The following CSRP3 variants were observed in gnomAD, a reference collection of about 807,000 sequenced individuals.
The protein encoded by CSRP3 is cysteine and glycine-rich protein 3.
In CSRP3, 24 loss-of-function variants were observed where a neutral mutation model predicts 24.3. The observed-to-expected ratio is 0.99, with a 90% CI of 0.71 to 1.39. The LOEUF (loss-of-function observed/expected upper bound fraction) is 1.39, where lower values mean the gene tolerates loss of function less well. CSRP3 is among the 40% of genes most tolerant of loss of function. CSRP3 has a pLI of 0.00. For missense variants in CSRP3, 240 were observed against 249.0 expected, an observed-to-expected ratio of 0.96 and a Z score of 0.24; for synonymous variants, 105 against 94.0, an observed-to-expected ratio of 1.12 and a Z score of -0.68.
intron 5 of CSRP3, 34 bp from the exon 6 acceptor site, chr11:19,182,780 T>A (rs1311301351): frequency 6.7e-7 from 1 of 1,498,098 alleles, no homozygotes; most frequent in Non-Finnish European, 9.3e-7. Flanking sequence ...GGAGAGACAA[T>A]GCATTGGTTA....
chr11:19,187,807 A>T (rs1850551316), intron 3 of CSRP3, among the ~76,000 whole-genome samples: 1 of 152,232 alleles, frequency 6.6e-6, no homozygotes, highest in Non-Finnish European at 1.5e-5. Context: ...ATTTACACAG[A>T]AACTCTCAAC....
At chr11:19,182,843 A>G (rs970084794) in intron 5 of CSRP3, 97 bp from the exon 6 acceptor site, 1 of 894,388 alleles carries the variant, frequency 1.1e-6, no homozygotes, top group Admixed American at 1.8e-5. Context: ...TAATTATTAG[A>G]GACATCCTTT....
chr11:19,187,131 G>A (rs1850539988), intron 3 of CSRP3, among the ~76,000 whole-genome samples: 1 of 152,212 alleles, frequency 6.6e-6, no homozygotes, highest in Admixed American at 6.5e-5. Context: ...AAGCCCTAAT[G>A]TTGAAAAGTG....
intron 3 of CSRP3, among the ~76,000 whole-genome samples, chr11:19,187,271 T>C (rs1850542168): frequency 6.6e-6 from 1 of 152,198 alleles, no homozygotes; most frequent in African/African-American, 2.4e-5. Context: ...TAATCACACA[T>C]CTCTCCACGT....
At chr11:19,188,652 T>TGTGTGTGTGTGTGTGTGTG (rs1850570749) in intron 2 of CSRP3, among the ~76,000 whole-genome samples, 2 of 104,270 alleles carry the variant, frequency 1.9e-5, no homozygotes, top group African/African-American at 7.3e-5. Flanking sequence ...GTGTGTGTGT[T>TGTGTGTGTGTGTGTGTGTG]TGTGGGCGCG....
At chr11:19,185,353 G>A (rs576677952) in intron 4 of CSRP3, among the ~76,000 whole-genome samples, 95 of 152,224 alleles carry the variant, frequency 6.2e-4, no homozygotes, top group Non-Finnish European at 1.2e-3. Flanking sequence ...AGAAGGACTT[G>A]GGCTGGGGGC....
chr11:19,191,009 A>T (rs1182774325), intron 2 of CSRP3, among the ~76,000 whole-genome samples: 5 of 152,230 alleles, frequency 3.3e-5, no homozygotes, highest in African/African-American at 1.2e-4. Flanking sequence ...TCCTGTTCCC[A>T]CGCAGTTACC....
intron 1 of CSRP3, among the ~76,000 whole-genome samples, chr11:19,198,337 T>C (rs532674412): frequency 7.2e-5 from 11 of 152,314 alleles, no homozygotes; most frequent in East Asian, 3.9e-4. Context: ...GACTTCCCAG[T>C]TGATGGGAAT....
chr11:19,186,018 G>C (rs985079908), intron 4 of CSRP3, among the ~76,000 whole-genome samples, 198 bp downstream of exon 4: 6 of 152,166 alleles, frequency 3.9e-5, no homozygotes, highest in African/African-American at 1.4e-4. Flanking sequence ...AACTGCACCA[G>C]TTCCAGCTTT....
At chr11:19,199,416 G>A (rs1318495349) in intron 1 of CSRP3, among the ~76,000 whole-genome samples, 2 of 152,230 alleles carry the variant, frequency 1.3e-5, no homozygotes, top group African/African-American at 4.8e-5. Context: ...TACATTAAAT[G>A]AAGGCTGTAG....
chr11:19,195,244 A>G (rs372080227), intron 1 of CSRP3, among the ~76,000 whole-genome samples: 3 of 152,016 alleles, frequency 2.0e-5, no homozygotes, highest in Non-Finnish European at 2.9e-5. Context: ...AAATAGCCCA[A>G]ATTTGTTTAT....
chr11:19,184,837 G>T, intron 5 of CSRP3, 115 bp downstream of exon 5: 1 of 825,162 alleles, frequency 1.2e-6, no homozygotes, highest in Non-Finnish European at 2.1e-6. Flanking sequence ...TGCCCAGGCT[G>T]AGCAGCCATA....
At chr11:19,191,288 T>C (rs977115709) in intron 2 of CSRP3, among the ~76,000 whole-genome samples, 2 of 152,318 alleles carry the variant, frequency 1.3e-5, no homozygotes, top group Non-Finnish European at 2.9e-5. Flanking sequence ...CTAGCTCTCT[T>C]TGGACAAAAG....
At chr11:19,201,403 T>C (rs1484258135) in intron 1 of CSRP3, among the ~76,000 whole-genome samples, 1 of 152,246 alleles carries the variant, frequency 6.6e-6, no homozygotes, top group Non-Finnish European at 1.5e-5. Context: ...TCCAGGTAAA[T>C]TGAGCATGGG....
At chr11:19,200,096 C>T (rs950225677) in intron 1 of CSRP3, among the ~76,000 whole-genome samples, 1 of 152,128 alleles carries the variant, frequency 6.6e-6, no homozygotes, top group African/African-American at 2.4e-5. Flanking sequence ...AGCAGGAAAC[C>T]CCCCCAAAAC....
intron 5 of CSRP3, among the ~76,000 whole-genome samples, chr11:19,183,652 T>C (rs1850475599): frequency 6.6e-6 from 1 of 152,156 alleles, no homozygotes; most frequent in Non-Finnish European, 1.5e-5. Flanking sequence ...TTCGGCAATA[T>C]TTTAGGGCAT....
At chr11:19,187,124 C>G (rs1850539790) in intron 3 of CSRP3, among the ~76,000 whole-genome samples, 2 of 152,128 alleles carry the variant, frequency 1.3e-5, no homozygotes, top group South Asian at 4.1e-4. Context: ...CACTAGGAAG[C>G]CCTAATGTTG....
Position 19,195,050 on chromosome 11 carries a change from C to A in CSRP3, c.-28-2574G>T, listed in dbSNP as rs185743526. On this transcript the variant is annotated intron_variant, in intron 1 of 5. Transcript: ENST00000265968. The stretch of plus-strand genomic sequence containing the variant: ...AAACTCAAATGACGGACTGGCTCCC[C>A]ACATTTAGTCTGGGGATAAAGGCAG... Among the ~76,000 whole-genome samples, 141 of 152,120 alleles carry A rather than the reference C, an allele frequency of 9.3e-4. 1 individual carries two copies. Among genetic ancestry groups the A allele is most frequent in the African/African-American group, 3.3e-3 (137 of 41,524 alleles).
intron 1 of CSRP3, among the ~76,000 whole-genome samples, chr11:19,193,341 C>T (rs573257662): frequency 1.9e-4 from 29 of 152,212 alleles, no homozygotes; most frequent in Non-Finnish European, 3.1e-4. Flanking sequence ...CAGGAAGGTC[C>T]CACAGAGTTC....
Sources: gnomAD v4.1 joint callset for allele counts (sites outside exome capture counted in the v4.1 genomes callset) on GRCh38, gnomAD v4.1.1 for gene constraint, MANE v1.5 for transcripts, NCBI Gene and HGNC (gene_info 2026-07-23, HGNC 2026-07-21) for gene names.